Variants in CYP27A1 observed in about 807,000 individuals in gnomAD.
The protein encoded by CYP27A1 is sterol 26-hydroxylase, mitochondrial.
Under a neutral mutation model 58.2 loss-of-function variants are expected in CYP27A1, and 46 were observed. The ratio of observed to expected loss-of-function variants is 0.79; its 90% CI spans 0.62 to 1.01. The LOEUF (loss-of-function observed/expected upper bound fraction) is 1.01. Among genes scored for constraint, CYP27A1 ranks in the 50% least tolerant of loss-of-function variants. CYP27A1 has a pLI of 0.00. For synonymous variants in CYP27A1, 274 were observed against 285.1 expected (o/e 0.96, Z 0.39); for missense variants, 704 against 687.0 (o/e 1.02, Z -0.28).
intron 1 of CYP27A1, among the ~76,000 whole-genome samples, chr2:218,783,818 G>T (rs1943417700): frequency 6.6e-6 from 1 of 152,148 alleles, no homozygotes; most frequent in South Asian, 2.1e-4. Flanking sequence ...TGTCTGTGCT[G>T]GGAAGGAGTC....
intron 7 of CYP27A1, 29 bp downstream of exon 7, chr2:218,814,487 C>T: frequency 6.2e-7 from 1 of 1,613,672 alleles, no homozygotes; most frequent in Non-Finnish European, 8.5e-7. Context: ...CCCGATTGCC[C>T]AGGAGTGCCC....
chr2:218,811,457 G>A (rs1943714446), intron 2 of CYP27A1, among the ~76,000 whole-genome samples: 2 of 152,208 alleles, frequency 1.3e-5, no homozygotes, highest in Admixed American at 6.5e-5. Context: ...AGGAACAGCT[G>A]GGAGTGGGGG....
At chr2:218,797,038 A>G (rs1453620466) in intron 1 of CYP27A1, among the ~76,000 whole-genome samples, 3 of 152,252 alleles carry the variant, frequency 2.0e-5, no homozygotes, top group African/African-American at 7.2e-5. Flanking sequence ...AGTTAGAAAC[A>G]CAGTTGACAA....
intron 1 of CYP27A1, among the ~76,000 whole-genome samples, chr2:218,799,707 CT>C (rs142910180): frequency 8.0e-5 from 12 of 149,212 alleles, no homozygotes; most frequent in African/African-American, 2.5e-4. Context: ...CCTATTGTTT[CT>C]TTTTTTTTTC....
At position 218,782,541 on chromosome 2, in the gene CYP27A1, A is replaced by C; in HGVS notation, c.255+104A>C. On this transcript the variant is annotated intron_variant, in intron 1 of 8. Transcript: ENST00000258415. This position sits in a 1 kb window ranked among gnomAD's most constrained non-coding sequence, Gnocchi z 4.1. ...CAGAAAGTGAAGGCTGCAGGAACTCAGCTGGGGACCCACTGAGGCTATGGT... is the reference window on the plus strand; with the variant it reads ...CAGAAAGTGAAGGCTGCAGGAACTCCGCTGGGGACCCACTGAGGCTATGGT... 4.1e-6 allele frequency: 6 copies of C among 1,453,294 alleles called. No individual in the cohort carries two copies. Among genetic ancestry groups the C allele is most frequent in the Non-Finnish European group, 5.8e-6 (6 of 1,043,294 alleles). 90.0% of individuals were successfully genotyped at this position (1,453,294 alleles called of 1,614,324 possible). A position where few individuals can be genotyped will look rare whatever the true frequency, so the allele number is the denominator to read the frequency against.
chr2:218,784,502 G>A (rs551901003), intron 1 of CYP27A1, among the ~76,000 whole-genome samples: 2 of 152,094 alleles, frequency 1.3e-5, no homozygotes, highest in Non-Finnish European at 2.9e-5. Flanking sequence ...CCTTTCTCAC[G>A]CAAAGATTTC....
chr2:218,790,755 T>A (rs1207683350), intron 1 of CYP27A1, among the ~76,000 whole-genome samples: 2 of 151,950 alleles, frequency 1.3e-5, no homozygotes, highest in Non-Finnish European at 2.9e-5. Context: ...TGGAGTGTAG[T>A]GGCACGACCT....
chr2:218,811,126 C>T (rs1381386907), intron 2 of CYP27A1, among the ~76,000 whole-genome samples: 2 of 152,170 alleles, frequency 1.3e-5, no homozygotes, highest in Admixed American at 6.5e-5. Flanking sequence ...GAGACTCTGT[C>T]TCAAACAAAA....
Position 218,782,563 on chromosome 2 carries a change from T to TGGTCATAAACTGG in CYP27A1, c.255+127_255+139dup. ...CTCAGCTGGGGACCCACTGAGGCTA[T>TGGTCATAAACTGG]GGTCATAAACTGGAAATCAGTAGGG... On this transcript the variant is annotated intron_variant, in intron 1 of 8. Transcript: ENST00000258415. This position sits in a 1 kb window ranked among gnomAD's most constrained non-coding sequence, Gnocchi z 4.1. The TGGTCATAAACTGG allele has an allele frequency of 8.0e-7, 1 of 1,251,142 alleles. No homozygotes were observed. The highest frequency in any genetic ancestry group is 1.7e-5 in the Admixed American group (1 of 57,316). 77.5% of individuals were successfully genotyped at this position (1,251,142 alleles called of 1,614,324 possible). A position where few individuals can be genotyped will look rare whatever the true frequency, so the allele number is the denominator to read the frequency against.
intron 2 of CYP27A1, among the ~76,000 whole-genome samples, chr2:218,811,586 C>G (rs1308563084): frequency 6.6e-6 from 1 of 152,140 alleles, no homozygotes; most frequent in East Asian, 1.9e-4. Flanking sequence ...GGGGCCTGAC[C>G]ATCTACCGCA....
intron 5 of CYP27A1, 81 bp downstream of exon 5, chr2:218,813,177 G>A (rs1414701427): frequency 5.3e-6 from 7 of 1,308,898 alleles, no homozygotes; most frequent in Middle Eastern, 2.7e-4. Context: ...ACCTGATCCC[G>A]ACCTTCATCC....
intron 1 of CYP27A1, among the ~76,000 whole-genome samples, chr2:218,808,371 C>A (rs1216822982): frequency 6.6e-6 from 1 of 152,162 alleles, no homozygotes; most frequent in Non-Finnish European, 1.5e-5. Flanking sequence ...CTTCCAGGAA[C>A]TGGCAGAATC....
Position 218,812,607 on chromosome 2 carries a change from C to A in CYP27A1, c.702C>A (p.Pro234=), listed in dbSNP as rs371636461. The change falls in exon 4 of 9, where the codon CCC becomes CCA. Residue 234 remains proline, a synonymous_variant. Coordinates refer to ENST00000258415, the MANE Select transcript of CYP27A1 (RefSeq NM_000784.4). ...KRIGCLQRSI[P]EDTVTFVRSI... ...TTGGCTGCCTGCAGCGATCCATCCC[C>A]GAGGACACCGTGACCTTCGTCAGAT... 6.2e-7 allele frequency: 1 copy of A among 1,614,222 alleles called. No individual in the cohort carries two copies. The highest frequency in any genetic ancestry group is 8.5e-7 in the Non-Finnish European group (1 of 1,180,038).
rs1943775029 is a variant in CYP27A1 at position 218,815,024 on chromosome 2, G to A, written c.1590G>A (p.Gln530=). ...KKVGLQFLQR[Q]C is the part of the protein sequence containing the mutation. Reference sequence around the variant, plus strand: ...TGGGCCTGCAGTTCCTGCAGAGACAGTGCTGAGCTGAGTCTCCGCCTTGCT... The same window carrying A: ...TGGGCCTGCAGTTCCTGCAGAGACAATGCTGAGCTGAGTCTCCGCCTTGCT... Residue 530 remains glutamine, a synonymous_variant, in exon 9 of 9, where the codon CAG becomes CAA. Transcript: ENST00000258415. The A allele has an allele frequency of 2.5e-6, 4 of 1,614,116 alleles. No homozygotes were observed. The highest frequency in any genetic ancestry group is 3.4e-6 in the Non-Finnish European group (4 of 1,180,050).
chr2:218,807,733 C>T (rs1262129029), intron 1 of CYP27A1, among the ~76,000 whole-genome samples: 3 of 151,764 alleles, frequency 2.0e-5, no homozygotes, highest in African/African-American at 4.9e-5. Context: ...CCTCAGCCTC[C>T]GAGTAGCTGG....
intron 2 of CYP27A1, among the ~76,000 whole-genome samples, chr2:218,810,018 C>A (rs1476010853): frequency 6.6e-6 from 1 of 152,176 alleles, no homozygotes; most frequent in African/African-American, 2.4e-5. Context: ...AAAAACCACA[C>A]CTGTAATCCC....
Position 218,815,123 on chromosome 2 carries a change from A to G in CYP27A1, c.*93A>G, listed in dbSNP as rs1056768750. ...TGCCATGTCTCAGATGAGGAGGGAG[A>G]GAAGGAGGCCGCCAGACTCGAGAGG... On this transcript the variant is annotated 3_prime_UTR_variant, in exon 9 of 9. Transcript: ENST00000258415. 3 of 1,521,992 alleles carry G rather than the reference A, an allele frequency of 2.0e-6. No individual in the cohort carries two copies. Among genetic ancestry groups the G allele is most frequent in the Non-Finnish European group, 2.7e-6 (3 of 1,102,964 alleles). 94.3% of individuals were successfully genotyped at this position (1,521,992 alleles called of 1,614,324 possible).
In CYP27A1 at chr2:218,814,120, C is replaced by G. The variant is rs536176295; in HGVS notation, c.1117C>G (p.Gln373Glu). 6.2e-7 allele frequency: 1 copy of G among 1,614,132 alleles called. No individual in the cohort carries two copies. The highest frequency in any genetic ancestry group is 1.3e-5 in the African/African-American group (1 of 74,944). The change falls in exon 6 of 9, where the codon CAA (glutamine) becomes GAA (glutamate). Residue 373 changes from glutamine (Q) to glutamate (E), a missense_variant. Transcript: ENST00000258415. ...AGTGGTGGGTGTGGTGCCAGCCGGG[C>G]AAGTGCCCCAGCACAAGGACTTTGC... The part of the protein sequence containing the change: ...EEVVGVVPAG[Q>E]VPQHKDFAHM...
At chr2:218,790,332 G>C (rs1450608853) in intron 1 of CYP27A1, among the ~76,000 whole-genome samples, 2 of 152,154 alleles carry the variant, frequency 1.3e-5, no homozygotes, top group African/African-American at 2.4e-5. Flanking sequence ...AGAGAATACA[G>C]TGCACCACGG....
Sources: allele counts gnomAD v4.1 joint callset (sites outside exome capture counted in the v4.1 genomes callset), GRCh38; gene constraint gnomAD v4.1.1; non-coding constraint Gnocchi (gnomAD v3.1); transcripts MANE v1.5; gene names NCBI Gene and HGNC (gene_info 2026-07-23, HGNC 2026-07-21).